Variants in GPD1L observed in about 807,000 individuals in gnomAD.
The protein encoded by GPD1L is glycerol-3-phosphate dehydrogenase 1 like.
In GPD1L, 17 loss-of-function variants were observed where a neutral mutation model predicts 32.9. The observed-to-expected ratio is 0.52, with a 90% CI of 0.35 to 0.78. The LOEUF is 0.78. Among genes scored for constraint, GPD1L ranks in the 30% least tolerant of loss-of-function variants. The probability of loss-of-function intolerance (pLI) is 0.01; values close to 1 mark genes in which losing one functional copy is unlikely to be tolerated. For missense variants in GPD1L, 361 were observed against 447.8 expected (o/e 0.81, Z 1.75); for synonymous variants, 187 against 165.9 (o/e 1.13, Z -0.98).
intron 2 of GPD1L, among the ~76,000 whole-genome samples, chr3:32,135,664 G>A (rs1309863330): frequency 6.6e-6 from 1 of 152,114 alleles, no homozygotes; most frequent in African/African-American, 2.4e-5. Flanking sequence ...TGTTGGCCAG[G>A]CTGGTTTCAA....
intron 4 of GPD1L, among the ~76,000 whole-genome samples, chr3:32,144,028 TG>T (rs1700785674): frequency 6.6e-6 from 1 of 152,162 alleles, no homozygotes; most frequent in African/African-American, 2.4e-5. Context: ...TGTGGGGTCC[TG>T]GATTAGGCAG....
intron 1 of GPD1L, among the ~76,000 whole-genome samples, chr3:32,124,165 A>T (rs762999476): frequency 6.6e-6 from 1 of 152,142 alleles, no homozygotes; most frequent in African/African-American, 2.4e-5. Flanking sequence ...TCCTGAGTTC[A>T]AGCGATTCTC....
Position 32,125,031 on chromosome 3 carries a change from CA to C in GPD1L, c.48-3038del, listed in dbSNP as rs5847736. On this transcript the variant is annotated intron_variant, in intron 1 of 7. Transcript: ENST00000282541. Reference sequence around the variant, plus strand: ...TGCCCTGCCTCCCCGCCACCCTTGCCAAAAAAATTACTGTATAAATTATATA... The same window carrying C: ...TGCCCTGCCTCCCCGCCACCCTTGCCAAAAAATTACTGTATAAATTATATA... Among the ~76,000 whole-genome samples, 10 of 151,962 alleles carry C rather than the reference CA, an allele frequency of 6.6e-5. No homozygotes were observed. The South Asian group carries it at 1.5e-3, about 22-fold the overall frequency.
intron 3 of GPD1L, 106 bp downstream of exon 3, chr3:32,138,833 C>A (rs181959523): frequency 4.1e-6 from 5 of 1,220,656 alleles, no homozygotes; most frequent in Middle Eastern, 2.3e-4. Flanking sequence ...GAAGTTGTGG[C>A]GGTTTTTCGT....
intron 2 of GPD1L, among the ~76,000 whole-genome samples, chr3:32,133,199 C>T (rs1345009331): frequency 1.3e-5 from 2 of 152,192 alleles, no homozygotes; most frequent in African/African-American, 2.4e-5. Context: ...CGTTGTTAAA[C>T]CACACCATTC....
chr3:32,130,781 G>A (rs1044026046), intron 2 of GPD1L, among the ~76,000 whole-genome samples: 5 of 152,150 alleles, frequency 3.3e-5, no homozygotes, highest in African/African-American at 1.2e-4. Context: ...GGGAGGCTGA[G>A]GGGGGCGGAT....
At position 32,140,336 on chromosome 3, in the gene GPD1L, G is replaced by A. The variant is rs751567318; in HGVS notation, c.475G>A (p.Ala159Thr). ...LMGANIANEV[A>T]AEKFCETTIG... is the part of the protein sequence containing the mutation. Reference sequence around the variant, plus strand: ...GGGAGCCAACATTGCCAATGAGGTGGCTGCAGAGAAGTTCTGTGAGACCAC... The same window carrying A: ...GGGAGCCAACATTGCCAATGAGGTGACTGCAGAGAAGTTCTGTGAGACCAC... Residue 159 changes from alanine (A) to threonine (T), a missense_variant, in exon 4 of 8, where the codon GCT (alanine) becomes ACT (threonine). Ala to Thr is a moderately conservative substitution (Grantham distance 58). Coordinates refer to ENST00000282541, the MANE Select transcript of GPD1L (RefSeq NM_015141.4). 2 of 1,614,068 alleles carry A rather than the reference G, an allele frequency of 1.2e-6. No individual in the cohort carries two copies. Among genetic ancestry groups the A allele is most frequent in the Non-Finnish European group, 1.7e-6 (2 of 1,180,032 alleles).
intron 1 of GPD1L, among the ~76,000 whole-genome samples, chr3:32,123,167 G>T (rs1431936662): frequency 6.6e-6 from 1 of 152,128 alleles, no homozygotes; most frequent in Admixed American, 6.5e-5. Context: ...CTCCCAGTGT[G>T]CTGAGATTCC....
At chr3:32,157,006 G>A (rs1701000853) in intron 5 of GPD1L, among the ~76,000 whole-genome samples, 2 of 152,100 alleles carry the variant, frequency 1.3e-5, no homozygotes, top group African/African-American at 2.4e-5. Context: ...TTTTTGGGGG[G>A]CATTGAGTGT....
At chr3:32,108,292 G>A (rs913459159) in intron 1 of GPD1L, among the ~76,000 whole-genome samples, 5 of 152,240 alleles carry the variant, frequency 3.3e-5, no homozygotes, top group African/African-American at 1.2e-4. Context: ...GGCTGAGGCA[G>A]GGGGATCACG....
At chr3:32,136,556 G>T (rs1453614240) in intron 2 of GPD1L, among the ~76,000 whole-genome samples, 1 of 152,156 alleles carries the variant, frequency 6.6e-6, no homozygotes, top group Non-Finnish European at 1.5e-5. Flanking sequence ...ACCTCCTGAA[G>T]GGATAAGGGA....
In GPD1L at chr3:32,166,081, T is replaced by G. The variant is rs114506248; in HGVS notation, c.*171T>G. On this transcript the variant is annotated 3_prime_UTR_variant, in exon 8 of 8. Coordinates refer to ENST00000282541, the MANE Select transcript of GPD1L (RefSeq NM_015141.4). ...GTGAGAGGCAGTTCATTAGCAAAGA[T>G]GTACTGGGCAGTAACTAAACACACA... 1,088 of 663,782 alleles carry G rather than the reference T, an allele frequency of 1.6e-3. 9 individuals are homozygous for G. The African/African-American group carries it at 0.017, about 10-fold the overall frequency. The allele number at this position is 663,782 out of a possible 1,614,324, so 41.1% of individuals were successfully genotyped here.
At chr3:32,120,745 T>C (rs1356736323) in intron 1 of GPD1L, among the ~76,000 whole-genome samples, 3 of 152,212 alleles carry the variant, frequency 2.0e-5, no homozygotes, top group Admixed American at 6.5e-5. Context: ...CATAACCCAG[T>C]CTCCAAGCCC....
At chr3:32,131,410 C>G (rs559622129) in intron 2 of GPD1L, among the ~76,000 whole-genome samples, 1 of 152,320 alleles carries the variant, frequency 6.6e-6, no homozygotes, top group African/African-American at 2.4e-5. Flanking sequence ...CCTGTTTTCC[C>G]CAGTTGTCCC....
chr3:32,122,740 G>C (rs1700439953), intron 1 of GPD1L, among the ~76,000 whole-genome samples: 1 of 152,166 alleles, frequency 6.6e-6, no homozygotes, highest in South Asian at 2.1e-4. Flanking sequence ...CCTGGTCGTA[G>C]GATGCAAGGT....
intron 5 of GPD1L, among the ~76,000 whole-genome samples, chr3:32,153,638 C>T (rs1404425553): frequency 6.6e-6 from 1 of 152,216 alleles, no homozygotes; most frequent in Non-Finnish European, 1.5e-5. Flanking sequence ...TGCAGACAGT[C>T]TCCTCTTGGC....
At chr3:32,146,958 G>T (rs1364750234) in intron 5 of GPD1L, among the ~76,000 whole-genome samples, 1 of 152,196 alleles carries the variant, frequency 6.6e-6, no homozygotes, top group African/African-American at 2.4e-5. Context: ...GGGGAATTGT[G>T]ATGTTTTGGT....
intron 5 of GPD1L, among the ~76,000 whole-genome samples, chr3:32,157,527 C>T (rs1701011416): frequency 6.6e-6 from 1 of 152,216 alleles, no homozygotes; most frequent in Non-Finnish European, 1.5e-5. Flanking sequence ...CCCTCCAGGG[C>T]TGAGTGGGGT....
chr3:32,134,086 C>A (rs1700625896), intron 2 of GPD1L, among the ~76,000 whole-genome samples: 2 of 152,182 alleles, frequency 1.3e-5, no homozygotes, highest in African/African-American at 4.8e-5. Context: ...ACGATGGACA[C>A]CTTCAGAGTT....
Sources: allele counts gnomAD v4.1 joint callset (sites outside exome capture counted in the v4.1 genomes callset), GRCh38; gene constraint gnomAD v4.1.1; transcripts MANE v1.5; gene names NCBI Gene and HGNC (gene_info 2026-07-23, HGNC 2026-07-21).